CADM2: variants seen among roughly 807,000 people sequenced by gnomAD.
CADM2 encodes the protein cell adhesion molecule 2.
In CADM2, 12 loss-of-function variants were observed where a neutral mutation model predicts 49.8. The observed-to-expected ratio is 0.24, with a 90% CI of 0.15 to 0.39. The LOEUF is 0.39. Ranked by LOEUF, CADM2 falls within the 10% of genes least tolerant of loss-of-function variation. The probability of loss-of-function intolerance (pLI) is 1.00; values close to 1 mark genes in which losing one functional copy is unlikely to be tolerated. For synonymous variants in CADM2, 214 were observed against 175.4 expected, an observed-to-expected ratio of 1.22 and a Z score of -1.74; for missense variants, 378 against 492.3, an observed-to-expected ratio of 0.77 and a Z score of 2.20.
chr3:85,462,356 A>G (rs1176714640), intron 1 of CADM2, among the ~76,000 whole-genome samples: 6 of 152,184 alleles, frequency 3.9e-5, no homozygotes, highest in African/African-American at 1.4e-4. Flanking sequence ...ACTGCACACC[A>G]AGACTATGAC....
chr3:85,797,591 T>C (rs769159766), intron 2 of CADM2, among the ~76,000 whole-genome samples: 2 of 152,190 alleles, frequency 1.3e-5, no homozygotes, highest in Non-Finnish European at 2.9e-5. Flanking sequence ...CATGAACTCA[T>C]CCTTTTTTTA....
chr3:85,291,441 C>A (rs2043793590), intron 1 of CADM2, among the ~76,000 whole-genome samples: 1 of 149,670 alleles, frequency 6.7e-6, no homozygotes, highest in African/African-American at 2.6e-5. Context: ...CAGAGAACCC[C>A]ACAAAGATAC....
intron 3 of CADM2, among the ~76,000 whole-genome samples, chr3:85,807,367 C>T (rs1295359521): frequency 2.6e-5 from 4 of 151,810 alleles, no homozygotes; most frequent in Admixed American, 1.3e-4. Context: ...GGCATGGTGG[C>T]GGATGCCAAT....
At chr3:85,268,557 AT>A in intron 1 of CADM2, among the ~76,000 whole-genome samples, 1 of 151,462 alleles carries the variant, frequency 6.6e-6, no homozygotes, top group African/African-American at 2.4e-5. Flanking sequence ...TTGTGTGCAT[AT>A]TATAAAAATC....
intron 3 of CADM2, among the ~76,000 whole-genome samples, chr3:85,882,008 A>G (rs948226921): frequency 2.0e-5 from 3 of 152,126 alleles, no homozygotes; most frequent in Non-Finnish European, 2.9e-5. Context: ...TGGCTGGCTC[A>G]TGGCTCACCT....
intron 1 of CADM2, among the ~76,000 whole-genome samples, chr3:85,047,132 C>T (rs2035700685): frequency 6.6e-6 from 1 of 152,042 alleles, no homozygotes; most frequent in African/African-American, 2.4e-5. Context: ...TATCACATTC[C>T]CTTGTGCAGT....
At chr3:85,726,587 AT>A in intron 2 of CADM2, 39 bp downstream of exon 2, 3 of 1,518,486 alleles carry the variant, frequency 2.0e-6, no homozygotes, top group Non-Finnish European at 1.8e-6. Flanking sequence ...ATCATCATTC[AT>A]TTTTCTGCTC....
intron 1 of CADM2, among the ~76,000 whole-genome samples, chr3:85,354,377 T>C (rs548870051): frequency 1.6e-4 from 22 of 141,204 alleles, no homozygotes; most frequent in Admixed American, 9.9e-4. Context: ...GGGGGAGGGA[T>C]AGCATTAAGA....
At chr3:85,916,443 T>C (rs1718341271) in intron 6 of CADM2, among the ~76,000 whole-genome samples, 1 of 151,674 alleles carries the variant, frequency 6.6e-6, no homozygotes, top group Non-Finnish European at 1.5e-5. Flanking sequence ...GTCCTTGAGA[T>C]AGTTTGCTGA....
intron 1 of CADM2, among the ~76,000 whole-genome samples, chr3:85,668,708 G>A (rs2065648518): frequency 6.6e-6 from 1 of 152,052 alleles, no homozygotes; most frequent in African/African-American, 2.4e-5. Flanking sequence ...CAGCCCTATG[G>A]AACTGTAAGT....
chr3:85,467,188 A>G (rs374418076), intron 1 of CADM2, among the ~76,000 whole-genome samples: 265 of 152,262 alleles, frequency 1.7e-3, no homozygotes, highest in Non-Finnish European at 3.3e-3. Flanking sequence ...TTCAGCAACA[A>G]ATCATGGAGA....
At chr3:85,575,965 C>T (rs1023531742) in intron 1 of CADM2, among the ~76,000 whole-genome samples, 2 of 152,082 alleles carry the variant, frequency 1.3e-5, no homozygotes, top group African/African-American at 2.4e-5. Context: ...ACCTCAGTGC[C>T]CTCATTCATA....
intron 1 of CADM2, among the ~76,000 whole-genome samples, chr3:85,517,405 G>C (rs1463508374): frequency 1.3e-5 from 2 of 151,978 alleles, no homozygotes; most frequent in East Asian, 3.9e-4. Flanking sequence ...ATAGCCCTTG[G>C]CAATTTCTAA....
chr3:85,148,780 A>G (rs2039829569), intron 1 of CADM2, among the ~76,000 whole-genome samples: 1 of 152,304 alleles, frequency 6.6e-6, no homozygotes, highest in Non-Finnish European at 1.5e-5. Flanking sequence ...TGTTCTTAAG[A>G]ATATAAGGAA....
chr3:85,494,431 C>A (rs2107652904), intron 1 of CADM2, among the ~76,000 whole-genome samples: 1 of 152,222 alleles, frequency 6.6e-6, no homozygotes, highest in East Asian at 1.9e-4. Context: ...AAACATGATG[C>A]AAGCTCTTAA....
At chr3:85,273,522 T>G (rs1439289035) in intron 1 of CADM2, among the ~76,000 whole-genome samples, 1 of 151,304 alleles carries the variant, frequency 6.6e-6, no homozygotes, top group African/African-American at 2.4e-5. Context: ...TTGAATATGC[T>G]GCAATAGGAT....
At chr3:85,783,501 C>T (rs2070782381) in intron 2 of CADM2, among the ~76,000 whole-genome samples, 1 of 152,166 alleles carries the variant, frequency 6.6e-6, no homozygotes, top group Non-Finnish European at 1.5e-5. Flanking sequence ...CTGCTGGATT[C>T]ATCAGCAGCT....
intron 1 of CADM2, among the ~76,000 whole-genome samples, chr3:85,590,932 T>TA (rs1387759922): frequency 1.3e-5 from 2 of 151,822 alleles, no homozygotes; most frequent in Non-Finnish European, 2.9e-5. Context: ...AACTCATTTT[T>TA]TTTTTGCCTG....
intron 1 of CADM2, among the ~76,000 whole-genome samples, chr3:85,497,800 T>A (rs1576660465): frequency 6.6e-6 from 1 of 152,120 alleles, no homozygotes; most frequent in African/African-American, 2.4e-5. Flanking sequence ...TCAAATGTCA[T>A]CTTTTCTAAA....
Sources: allele counts gnomAD v4.1 joint callset (sites outside exome capture counted in the v4.1 genomes callset), GRCh38; gene constraint gnomAD v4.1.1; transcripts MANE v1.5; gene names NCBI Gene and HGNC (gene_info 2026-07-23, HGNC 2026-07-21).